LRRC4C: variants seen among roughly 807,000 people sequenced by gnomAD.
LRRC4C encodes the protein leucine rich repeat containing 4C, also known as leucine-rich repeat-containing protein 4C.
LRRC4C carries 5 observed loss-of-function variants against 33.6 expected under a neutral mutation model. The ratio of observed to expected loss-of-function variants is 0.15; its 90% CI spans 0.08 to 0.31. LRRC4C has a LOEUF of 0.31. Among genes scored for constraint, LRRC4C ranks in the 10% least tolerant of loss-of-function variants. The pLI is 1.00. For missense variants in LRRC4C, 560 were observed against 796.7 expected (o/e 0.70, Z 3.58); for synonymous variants, 329 against 302.0 (o/e 1.09, Z -0.93).
intron 2 of LRRC4C, among the ~76,000 whole-genome samples, chr11:40,731,490 T>C (rs1434419214): frequency 6.6e-6 from 1 of 152,118 alleles, no homozygotes; most frequent in Non-Finnish European, 1.5e-5. Flanking sequence ...TTGTACAGCC[T>C]ACAGAACCAT....
At chr11:41,161,690 T>C (rs916095393) in intron 1 of LRRC4C, among the ~76,000 whole-genome samples, 1 of 152,242 alleles carries the variant, frequency 6.6e-6, no homozygotes, top group Non-Finnish European at 1.5e-5. Context: ...CCAAAAACTC[T>C]TGTTTTATGT....
At chr11:41,296,460 AC>A (rs1317086839) in intron 1 of LRRC4C, among the ~76,000 whole-genome samples, 3 of 151,816 alleles carry the variant, frequency 2.0e-5, no homozygotes, top group African/African-American at 4.8e-5. Context: ...GATTACAGGC[AC>A]TCACCACCGT....
chr11:41,355,211 T>C (rs1442749963), intron 1 of LRRC4C, among the ~76,000 whole-genome samples: 1 of 151,676 alleles, frequency 6.6e-6, no homozygotes, highest in Non-Finnish European at 1.5e-5. Context: ...ACCAAGAACA[T>C]GAAAAAATGC....
chr11:40,507,842 C>CGATTCT (rs1473584696), intron 3 of LRRC4C, among the ~76,000 whole-genome samples: 1 of 151,336 alleles, frequency 6.6e-6, no homozygotes, highest in African/African-American at 2.4e-5. Flanking sequence ...TGGATTCAAG[C>CGATTCT]GATTCTCCTG....
intron 1 of LRRC4C, among the ~76,000 whole-genome samples, chr11:41,387,553 G>A (rs1008406025): frequency 4.6e-5 from 7 of 151,716 alleles, no homozygotes; most frequent in African/African-American, 1.7e-4. Context: ...AAAATACAGA[G>A]TATTTTTTGA....
intron 1 of LRRC4C, among the ~76,000 whole-genome samples, chr11:41,393,738 C>T (rs1291916177): frequency 6.6e-6 from 1 of 151,910 alleles, no homozygotes; most frequent in Non-Finnish European, 1.5e-5. Context: ...ATGAGTCTGT[C>T]ACATTTATAC....
At chr11:40,694,887 A>T (rs1050736754) in intron 2 of LRRC4C, among the ~76,000 whole-genome samples, 1 of 151,880 alleles carries the variant, frequency 6.6e-6, no homozygotes, top group Non-Finnish European at 1.5e-5. Context: ...TTCTTTTATC[A>T]TCATCGTAGC....
At chr11:40,728,147 A>G (rs1278295215) in intron 2 of LRRC4C, among the ~76,000 whole-genome samples, 3 of 151,992 alleles carry the variant, frequency 2.0e-5, no homozygotes, top group South Asian at 2.1e-4. Flanking sequence ...TCAAAAAATA[A>G]CTGATGTTGG....
intron 3 of LRRC4C, among the ~76,000 whole-genome samples, chr11:40,437,067 T>C (rs1200330597): frequency 6.6e-6 from 1 of 152,184 alleles, no homozygotes; most frequent in Non-Finnish European, 1.5e-5. Flanking sequence ...ATATTTTTTG[T>C]GGGCTTTAAC....
intron 1 of LRRC4C, among the ~76,000 whole-genome samples, chr11:41,260,449 C>A (rs1261702255): frequency 6.6e-6 from 1 of 151,948 alleles, no homozygotes; most frequent in African/African-American, 2.4e-5. Context: ...AGATGAGAGA[C>A]AAGCAGTGAG....
At chr11:41,325,578 TGTGTGTGTGTGTGTG>T (rs1951091080) in intron 1 of LRRC4C, among the ~76,000 whole-genome samples, 1 of 63,418 alleles carries the variant, frequency 1.6e-5, no homozygotes, top group East Asian at 8.6e-4. Flanking sequence ...TTTTTTTTTT[TGTGTGTGTGTGTGTG>T]TGTGTGTGTG....
intron 5 of LRRC4C, among the ~76,000 whole-genome samples, chr11:40,188,988 G>T (rs1861621998): frequency 6.6e-6 from 1 of 152,160 alleles, no homozygotes. Flanking sequence ...TAGCATTAGG[G>T]AAAATTTATT....
chr11:40,969,569 C>A (rs547935004), intron 1 of LRRC4C, among the ~76,000 whole-genome samples: 1 of 152,152 alleles, frequency 6.6e-6, no homozygotes, highest in South Asian at 2.1e-4. Context: ...CTTCAGCACT[C>A]ACCACCCTGA....
chr11:41,113,750 C>A (rs1000831092), intron 1 of LRRC4C, among the ~76,000 whole-genome samples: 1 of 151,978 alleles, frequency 6.6e-6, no homozygotes, highest in African/African-American at 2.4e-5. Flanking sequence ...TGGATTCTGA[C>A]CATTGCACTA....
intron 1 of LRRC4C, among the ~76,000 whole-genome samples, chr11:41,093,372 C>T (rs188632667): frequency 5.6e-4 from 86 of 152,300 alleles, no homozygotes; most frequent in African/African-American, 2.0e-3. Context: ...CTTGCAGCAG[C>T]AACAATTTGT....
intron 2 of LRRC4C, among the ~76,000 whole-genome samples, chr11:40,892,498 A>G (rs1466136226): frequency 6.6e-6 from 1 of 152,234 alleles, no homozygotes. Context: ...ACCAGTGTTC[A>G]TAGCAATGGT....
intron 1 of LRRC4C, among the ~76,000 whole-genome samples, chr11:41,247,512 T>A (rs1195537006): frequency 6.6e-6 from 1 of 152,216 alleles, no homozygotes; most frequent in East Asian, 1.9e-4. Flanking sequence ...TTTTACTACA[T>A]TTTAGTACTA....
chr11:41,225,160 G>A (rs1433317163), intron 1 of LRRC4C, among the ~76,000 whole-genome samples: 1 of 152,078 alleles, frequency 6.6e-6, no homozygotes, highest in Non-Finnish European at 1.5e-5. Context: ...ATGTACGGGG[G>A]TAGGAAGAAC....
intron 1 of LRRC4C, among the ~76,000 whole-genome samples, chr11:41,456,487 A>G (rs908072277): frequency 2.6e-4 from 40 of 152,138 alleles, no homozygotes; most frequent in African/African-American, 9.7e-4. Context: ...AAAACACAGA[A>G]ACACACTGGA....
Sources: gnomAD v4.1 joint callset for allele counts (sites outside exome capture counted in the v4.1 genomes callset) on GRCh38, gnomAD v4.1.1 for gene constraint, MANE v1.5 for transcripts, NCBI Gene and HGNC (gene_info 2026-07-23, HGNC 2026-07-21) for gene names.